The following SLC26A7 variants were observed in gnomAD, a reference collection of about 807,000 sequenced individuals.
SLC26A7 encodes the protein anion exchange transporter.
SLC26A7 carries 59 observed loss-of-function variants against 82.5 expected under a neutral mutation model. The ratio of observed to expected loss-of-function variants is 0.72; its 90% CI spans 0.58 to 0.89. The LOEUF (loss-of-function observed/expected upper bound fraction) is 0.89. SLC26A7 is among the 40% of genes least tolerant of loss of function. The pLI is 0.00. For missense variants in SLC26A7, 820 were observed against 793.0 expected (o/e 1.03, Z -0.41); for synonymous variants, 271 against 274.3 (o/e 0.99, Z 0.12).
chr8:91,284,415 G>T (rs933252888), intron 2 of SLC26A7, among the ~76,000 whole-genome samples: 2 of 152,190 alleles, frequency 1.3e-5, no homozygotes, highest in East Asian at 1.9e-4. Flanking sequence ...CCAGAGATTG[G>T]AGAGACGAAG....
intron 4 of SLC26A7, among the ~76,000 whole-genome samples, chr8:91,302,907 A>T (rs895389631): frequency 2.7e-5 from 4 of 147,660 alleles, no homozygotes; most frequent in African/African-American, 1.0e-4. Flanking sequence ...GTTTTATAAC[A>T]GTAGGAACTC....
chr8:91,292,850 A>G (rs929663660), intron 3 of SLC26A7, among the ~76,000 whole-genome samples: 1 of 152,186 alleles, frequency 6.6e-6, no homozygotes, highest in Admixed American at 6.5e-5. Context: ...TGGCAACAGC[A>G]TTGTTGTAGG....
At chr8:91,274,330 G>A (rs1162595856) in intron 2 of SLC26A7, among the ~76,000 whole-genome samples, 1 of 152,186 alleles carries the variant, frequency 6.6e-6, no homozygotes, top group Non-Finnish European at 1.5e-5. Context: ...TGCTGAGGCT[G>A]GATAAATTGT....
At chr8:91,339,731 A>G (rs1446787406) in intron 7 of SLC26A7, among the ~76,000 whole-genome samples, 2 of 152,064 alleles carry the variant, frequency 1.3e-5, no homozygotes, top group Non-Finnish European at 2.9e-5. Context: ...CTTTGGCTCA[A>G]GTTGTTTTCA....
chr8:91,382,177 A>T (rs1396418432), intron 15 of SLC26A7, among the ~76,000 whole-genome samples: 2 of 152,180 alleles, frequency 1.3e-5, no homozygotes, highest in African/African-American at 2.4e-5. Context: ...TCATTCTGTG[A>T]CATAATAACA....
intron 4 of SLC26A7, among the ~76,000 whole-genome samples, chr8:91,306,325 G>C (rs901743135): frequency 6.6e-6 from 1 of 152,020 alleles, no homozygotes; most frequent in African/African-American, 2.4e-5. Context: ...GTCTTGGTGT[G>C]GTTATTTGCA....
At chr8:91,305,290 G>A (rs774376231) in intron 4 of SLC26A7, among the ~76,000 whole-genome samples, 9 of 151,742 alleles carry the variant, frequency 5.9e-5, no homozygotes, top group Non-Finnish European at 1.0e-4. Flanking sequence ...TGTTTAAATT[G>A]TAAAACAGTT....
chr8:91,239,432 A>G (rs1810443814), intron 2 of SLC26A7, among the ~76,000 whole-genome samples: 2 of 147,606 alleles, frequency 1.4e-5, no homozygotes, highest in Admixed American at 1.4e-4. Context: ...ATATATGTAT[A>G]TATGTGTATA....
intron 2 of SLC26A7, among the ~76,000 whole-genome samples, chr8:91,261,595 C>A (rs938577796): frequency 6.6e-6 from 1 of 152,044 alleles, no homozygotes; most frequent in Non-Finnish European, 1.5e-5. Flanking sequence ...AACAAACTGG[C>A]AGTCTTAAAA....
At chr8:91,260,046 T>C (rs180880570) in intron 2 of SLC26A7, among the ~76,000 whole-genome samples, 298 of 152,262 alleles carry the variant, frequency 2.0e-3, no homozygotes, top group African/African-American at 6.9e-3. Context: ...CTTTATAGCA[T>C]TTATTTTTGA....
At chr8:91,358,995 G>A (rs982537057) in intron 11 of SLC26A7, among the ~76,000 whole-genome samples, 2 of 152,182 alleles carry the variant, frequency 1.3e-5, no homozygotes, top group Non-Finnish European at 2.9e-5. Flanking sequence ...CGAGTTAATG[G>A]CTGCAGCACA....
intron 2 of SLC26A7, among the ~76,000 whole-genome samples, chr8:91,279,384 T>G (rs1426962774): frequency 6.6e-6 from 1 of 152,086 alleles, no homozygotes; most frequent in East Asian, 1.9e-4. Flanking sequence ...CTGTTTTCCA[T>G]AATGACTATA....
intron 2 of SLC26A7, among the ~76,000 whole-genome samples, chr8:91,285,215 G>A (rs767330720): frequency 2.0e-5 from 3 of 152,170 alleles, no homozygotes; most frequent in African/African-American, 7.2e-5. Context: ...TTTTCACGTG[G>A]CATTCACACG....
intron 5 of SLC26A7, among the ~76,000 whole-genome samples, chr8:91,323,818 C>CTTTTTT (rs3086210): frequency 1.7e-5 from 2 of 117,104 alleles, no homozygotes; most frequent in African/African-American, 3.0e-5. Context: ...TTTTTCTTAT[C>CTTTTTT]TTTTTTTTTT....
chr8:91,303,673 TAA>T (rs928186628), intron 4 of SLC26A7, among the ~76,000 whole-genome samples: 1 of 152,208 alleles, frequency 6.6e-6, no homozygotes, highest in Non-Finnish European at 1.5e-5. Flanking sequence ...TCAAGGATGA[TAA>T]AAAGACAACT....
At chr8:91,338,447 T>C (rs1813306475) in intron 7 of SLC26A7, among the ~76,000 whole-genome samples, 1 of 152,138 alleles carries the variant, frequency 6.6e-6, no homozygotes, top group South Asian at 2.1e-4. Flanking sequence ...TTATGCAGCA[T>C]TGCTTCAGGT....
chr8:91,366,803 C>T (rs1161211218), intron 14 of SLC26A7, 86 bp downstream of exon 14: 1 of 1,438,136 alleles, frequency 7.0e-7, no homozygotes, highest in African/African-American at 1.4e-5. Context: ...AATAATAATA[C>T]ATCACACGAG....
chr8:91,371,893 C>G (rs929624923), intron 15 of SLC26A7, among the ~76,000 whole-genome samples: 1 of 151,886 alleles, frequency 6.6e-6, no homozygotes, highest in African/African-American at 2.4e-5. Flanking sequence ...ATATACTTAC[C>G]AACATCTGTT....
chr8:91,337,720 C>T (rs186243484), intron 6 of SLC26A7, among the ~76,000 whole-genome samples: 7 of 152,284 alleles, frequency 4.6e-5, no homozygotes, highest in Non-Finnish European at 8.8e-5. Context: ...TTAGGAATAT[C>T]GATGCAATAT....
Sources: gnomAD v4.1 joint callset for allele counts (sites outside exome capture counted in the v4.1 genomes callset) on GRCh38, gnomAD v4.1.1 for gene constraint, MANE v1.5 for transcripts, NCBI Gene and HGNC (gene_info 2026-07-23, HGNC 2026-07-21) for gene names.